DGKB: variants seen among roughly 807,000 people sequenced by gnomAD.
DGKB encodes diacylglycerol kinase beta.
In DGKB, 67 loss-of-function variants were observed where a neutral mutation model predicts 114.3. That is an observed-to-expected ratio of 0.59 (90% CI 0.48 to 0.72). The LOEUF (loss-of-function observed/expected upper bound fraction) is 0.72, where lower values mean the gene tolerates loss of function less well. DGKB is among the 30% of genes least tolerant of loss of function. The pLI is 0.00. For missense variants in DGKB, 907 were observed against 975.2 expected (o/e 0.93, Z 0.93); for synonymous variants, 398 against 323.1 (o/e 1.23, Z -2.49).
At chr7:14,452,291 C>A (rs1357291966) in intron 21 of DGKB, among the ~76,000 whole-genome samples, 1 of 151,944 alleles carries the variant, frequency 6.6e-6, no homozygotes, top group Admixed American at 6.6e-5. Flanking sequence ...CAATAGGTTT[C>A]TCAGAATGTA....
chr7:14,224,154 C>G (rs1790424148), intron 23 of DGKB, among the ~76,000 whole-genome samples: 1 of 151,700 alleles, frequency 6.6e-6, no homozygotes, highest in African/African-American at 2.4e-5. Context: ...CCTTCTAGTA[C>G]TCCATCTTGC....
intron 23 of DGKB, among the ~76,000 whole-genome samples, chr7:14,298,413 C>G (rs148935394): frequency 0.025 from 3,873 of 152,214 alleles, 79 homozygotes; most frequent in Non-Finnish European, 0.036. Flanking sequence ...ATATCTATAA[C>G]CATCTGATGT....
At chr7:14,916,202 A>G (rs1208441414) in intron 1 of DGKB, among the ~76,000 whole-genome samples, 1 of 151,936 alleles carries the variant, frequency 6.6e-6, no homozygotes, top group African/African-American at 2.4e-5. Flanking sequence ...GAAGAAGTAT[A>G]ATAATATAAT....
At chr7:14,622,165 T>G (rs955123008) in intron 14 of DGKB, among the ~76,000 whole-genome samples, 1 of 152,184 alleles carries the variant, frequency 6.6e-6, no homozygotes, top group Non-Finnish European at 1.5e-5. Flanking sequence ...TCAGTCTTCA[T>G]CTTCTCAAAT....
intron 13 of DGKB, among the ~76,000 whole-genome samples, chr7:14,661,230 T>C (rs1585439947): frequency 1.3e-5 from 2 of 149,240 alleles, no homozygotes; most frequent in Non-Finnish European, 3.0e-5. Flanking sequence ...AAAGAGCTTC[T>C]GCACAGCAAA....
At chr7:14,933,494 T>G (rs904360514) in intron 1 of DGKB, among the ~76,000 whole-genome samples, 6 of 152,214 alleles carry the variant, frequency 3.9e-5, no homozygotes, top group African/African-American at 1.4e-4. Flanking sequence ...CATTTTTCAT[T>G]GACATTTGTA....
intron 17 of DGKB, among the ~76,000 whole-genome samples, chr7:14,586,315 T>C (rs1197515631): frequency 6.6e-6 from 1 of 152,044 alleles, no homozygotes; most frequent in Non-Finnish European, 1.5e-5. Flanking sequence ...AACATTCCCT[T>C]AAGCTAAAGC....
intron 2 of DGKB, among the ~76,000 whole-genome samples, chr7:14,834,920 C>A (rs1307476512): frequency 2.0e-5 from 3 of 151,944 alleles, no homozygotes; most frequent in Non-Finnish European, 1.5e-5. Flanking sequence ...TTACTTTTTT[C>A]TTTTACTATT....
chr7:14,724,739 A>T (rs977648473), intron 5 of DGKB, among the ~76,000 whole-genome samples: 4 of 152,222 alleles, frequency 2.6e-5, no homozygotes, highest in African/African-American at 9.7e-5. Context: ...GTGGAAAGTC[A>T]GTAAGTAAAC....
chr7:14,751,637 A>G (rs1277211872), intron 4 of DGKB, among the ~76,000 whole-genome samples: 1 of 152,180 alleles, frequency 6.6e-6, no homozygotes, highest in Admixed American at 6.5e-5. Context: ...TACAACAGAC[A>G]ATAGCTCTGC....
intron 1 of DGKB, among the ~76,000 whole-genome samples, chr7:14,893,630 T>C (rs146028568): frequency 6.6e-6 from 1 of 151,460 alleles, no homozygotes; most frequent in East Asian, 1.9e-4. Context: ...TAGCCAACTG[T>C]TCACTCTAGA....
intron 2 of DGKB, among the ~76,000 whole-genome samples, chr7:14,834,796 G>A (rs1846919789): frequency 6.6e-6 from 1 of 152,152 alleles, no homozygotes; most frequent in Non-Finnish European, 1.5e-5. Context: ...ATGTTTGCTT[G>A]ACCATAAATT....
chr7:14,260,226 G>A (rs1386020770), intron 23 of DGKB, among the ~76,000 whole-genome samples: 1 of 152,092 alleles, frequency 6.6e-6, no homozygotes, highest in Non-Finnish European at 1.5e-5. Flanking sequence ...GGTGCCAACA[G>A]ATGGTTTACA....
At chr7:14,202,705 C>G (rs1428092941) in intron 23 of DGKB, among the ~76,000 whole-genome samples, 2 of 151,886 alleles carry the variant, frequency 1.3e-5, no homozygotes, top group Admixed American at 6.6e-5. Context: ...CAATTTGATA[C>G]TATTATTAAA....
intron 21 of DGKB, among the ~76,000 whole-genome samples, chr7:14,437,658 C>G (rs2128805151): frequency 6.6e-6 from 1 of 151,828 alleles, no homozygotes; most frequent in South Asian, 2.1e-4. Context: ...GGGAATCTTT[C>G]AAGACAGAGA....
chr7:14,366,768 G>C (rs1270746131), intron 21 of DGKB, among the ~76,000 whole-genome samples: 1 of 152,054 alleles, frequency 6.6e-6, no homozygotes, highest in Admixed American at 6.6e-5. Flanking sequence ...AAATATAGAT[G>C]CTAGTAAAAG....
chr7:14,404,470 C>T (rs373748343), intron 21 of DGKB, among the ~76,000 whole-genome samples: 1 of 151,942 alleles, frequency 6.6e-6, no homozygotes, highest in Non-Finnish European at 1.5e-5. Flanking sequence ...TAGATGCACA[C>T]TCAACTGCCT....
intron 20 of DGKB, among the ~76,000 whole-genome samples, chr7:14,549,174 G>A (rs1794751254): frequency 1.3e-5 from 2 of 152,046 alleles, no homozygotes; most frequent in African/African-American, 4.8e-5. Flanking sequence ...AAGGAAGTAA[G>A]AAAAACATTT....
intron 2 of DGKB, among the ~76,000 whole-genome samples, chr7:14,793,454 C>T (rs184395297): frequency 1.8e-4 from 28 of 152,176 alleles, no homozygotes; most frequent in Non-Finnish European, 3.5e-4. Flanking sequence ...AGATGCTTTG[C>T]CTTCTGTCTG....
Sources: allele counts gnomAD v4.1 joint callset (sites outside exome capture counted in the v4.1 genomes callset), GRCh38; gene constraint gnomAD v4.1.1; transcripts MANE v1.5; gene names NCBI Gene and HGNC (gene_info 2026-07-23, HGNC 2026-07-21).